The following ARPP21 variants were observed in gnomAD, a reference collection of about 807,000 sequenced individuals.
ARPP21 encodes the protein cAMP-regulated phosphoprotein 21.
Under a neutral mutation model 113.2 loss-of-function variants are expected in ARPP21, and 69 were observed. The observed-to-expected ratio is 0.61, with a 90% CI of 0.50 to 0.74. ARPP21 has a LOEUF of 0.74. ARPP21 is among the 30% of genes least tolerant of loss of function. The probability of loss-of-function intolerance (pLI) is 0.00; values close to 1 mark genes in which losing one functional copy is unlikely to be tolerated. For synonymous variants in ARPP21, 368 were observed against 375.5 expected (o/e 0.98, Z 0.23); for missense variants, 1,070 against 1,037.4 (o/e 1.03, Z -0.43).
At chr3:35,762,022 A>G (rs2095795955) in intron 19 of ARPP21, among the ~76,000 whole-genome samples, 1 of 151,884 alleles carries the variant, frequency 6.6e-6, no homozygotes, top group Non-Finnish European at 1.5e-5. Context: ...TAAATAACAA[A>G]GAATTTTTTC....
intron 19 of ARPP21, among the ~76,000 whole-genome samples, chr3:35,785,482 A>C (rs1385933131): frequency 6.6e-6 from 1 of 151,622 alleles, no homozygotes; most frequent in Non-Finnish European, 1.5e-5. Context: ...TAGTCATTTA[A>C]CAATGTGTCT....
intron 17 of ARPP21, among the ~76,000 whole-genome samples, chr3:35,738,860 T>G (rs1270279627): frequency 1.3e-5 from 2 of 152,216 alleles, no homozygotes; most frequent in African/African-American, 4.8e-5. Flanking sequence ...CCCAGCCTGT[T>G]GGTGATACTG....
chr3:35,681,739 T>C lies in ARPP21; in HGVS notation c.-13T>C. On this transcript the variant is annotated 5_prime_UTR_variant, in exon 3 of 21. Transcript: ENST00000684406. ...GGCATAAAATCTTGTTATTTTAATT[T>C]GCATCTGGGAGAATGTCTGAGCAAG... 6.2e-7 allele frequency: 1 copy of C among 1,605,578 alleles called. No individual in the cohort carries two copies. Among genetic ancestry groups the C allele is most frequent in the Non-Finnish European group, 8.5e-7 (1 of 1,174,796 alleles).
intron 1 of ARPP21, among the ~76,000 whole-genome samples, chr3:35,678,492 T>C (rs770389360): frequency 6.6e-6 from 1 of 151,978 alleles, no homozygotes; most frequent in Non-Finnish European, 1.5e-5. Context: ...CTAAAATTAC[T>C]ATTGATTAGC....
intron 1 of ARPP21, among the ~76,000 whole-genome samples, chr3:35,651,050 A>G (rs1044024291): frequency 2.0e-5 from 3 of 152,186 alleles, no homozygotes; most frequent in African/African-American, 7.2e-5. Flanking sequence ...ATGATAAAAT[A>G]TTATAAAATC....
chr3:35,692,187 T>C (rs548467166), intron 9 of ARPP21, among the ~76,000 whole-genome samples: 40 of 151,838 alleles, frequency 2.6e-4, no homozygotes, highest in Admixed American at 1.8e-3. Context: ...TAAGGGCCCT[T>C]GAAGTTTCAG....
intron 19 of ARPP21, among the ~76,000 whole-genome samples, chr3:35,772,011 C>G (rs542522391): frequency 6.6e-6 from 1 of 152,110 alleles, no homozygotes; most frequent in Non-Finnish European, 1.5e-5. Context: ...TTTTTTTTAA[C>G]AACTTAATAT....
chr3:35,768,253 G>A (rs531222473), intron 19 of ARPP21, among the ~76,000 whole-genome samples: 217 of 151,940 alleles, frequency 1.4e-3, no homozygotes, highest in African/African-American at 4.6e-3. Context: ...CTTTTCCCCA[G>A]ACCCTCACCT....
chr3:35,687,806 A>C lies in ARPP21; in HGVS notation c.329A>C (p.Asp110Ala). The C allele has an allele frequency of 8.1e-6, 13 of 1,605,604 alleles. No homozygotes were observed. Among genetic ancestry groups the C allele is most frequent in the Non-Finnish European group, 1.1e-5 (13 of 1,175,878 alleles). ...GAGGAGGATAAATCTAGGAAAGATG[A>C]CTCTGAAAGAGAAAAAGAAAAGGAT... ...LQEEDKSRKD[D>A]SEREKEKDKN... is the part of the protein sequence containing the mutation. Residue 110 changes from aspartate (D) to alanine (A), a missense_variant, in exon 6 of 21, where the codon GAC becomes GCC. By Grantham distance (126) the Asp-to-Ala change is moderately radical. Coordinates refer to ENST00000684406, the MANE Select transcript of ARPP21 (RefSeq NM_001385562.1).
At chr3:35,767,371 A>G (rs936795387) in intron 19 of ARPP21, among the ~76,000 whole-genome samples, 3 of 152,158 alleles carry the variant, frequency 2.0e-5, no homozygotes, top group Non-Finnish European at 4.4e-5. Flanking sequence ...TCTAACTTTT[A>G]TACTGTTTCT....
intron 6 of ARPP21, among the ~76,000 whole-genome samples, chr3:35,688,934 C>G (rs2081430872): frequency 6.7e-6 from 1 of 149,538 alleles, no homozygotes; most frequent in Non-Finnish European, 1.5e-5. Flanking sequence ...CATGGGATCT[C>G]AAACTCTTGA....
intron 18 of ARPP21, 117 bp downstream of exon 18, chr3:35,739,694 A>C: frequency 7.6e-7 from 1 of 1,323,558 alleles, no homozygotes; most frequent in Non-Finnish European, 1.0e-6. Context: ...AGTCTATATT[A>C]ATATTCCTCA....
chr3:35,787,033 A>G (rs141490489), intron 19 of ARPP21, among the ~76,000 whole-genome samples: 17 of 152,310 alleles, frequency 1.1e-4, no homozygotes, highest in Admixed American at 5.9e-4. Context: ...GATGTGCCCC[A>G]GTAATGAAGT....
At chr3:35,746,628 A>G (rs1048818001) in intron 19 of ARPP21, among the ~76,000 whole-genome samples, 1 of 152,324 alleles carries the variant, frequency 6.6e-6, no homozygotes, top group Admixed American at 6.5e-5. Context: ...TCTTCATCTG[A>G]TAATGACACC....
rs150459353 is a variant in ARPP21, at chr3:35,793,635, A to G, written c.2287-66A>G. On this transcript the variant is annotated intron_variant, in intron 20 of 20. Coordinates refer to ENST00000684406, the MANE Select transcript of ARPP21 (RefSeq NM_001385562.1). Reference sequence around the variant, plus strand: ...AAGTTTGAATATTTTTCATGACACCATGTTGTTTATTGTACAGACCAAAAT... The same window carrying G: ...AAGTTTGAATATTTTTCATGACACCGTGTTGTTTATTGTACAGACCAAAAT... 568 of 1,051,966 alleles carry G rather than the reference A, an allele frequency of 5.4e-4. 5 individuals carry two copies. In the African/African-American group the frequency reaches 7.7e-3, roughly 14 times the overall value. The allele number at this position is 1,051,966 out of a possible 1,614,324, so 65.2% of individuals were successfully genotyped here. A position where few individuals can be genotyped will look rare whatever the true frequency, so the allele number is the denominator to read the frequency against.
chr3:35,674,931 T>C (rs1388097267), intron 1 of ARPP21, among the ~76,000 whole-genome samples: 2 of 151,778 alleles, frequency 1.3e-5, no homozygotes, highest in African/African-American at 4.8e-5. Flanking sequence ...ATTGCACAGA[T>C]TAGGTAAACT....
chr3:35,666,193 A>G (rs542153321), intron 1 of ARPP21, among the ~76,000 whole-genome samples: 4 of 152,226 alleles, frequency 2.6e-5, no homozygotes, highest in South Asian at 2.1e-4. Flanking sequence ...CCTACCAAGC[A>G]GAAGGGAATT....
At chr3:35,764,365 C>T (rs781336544) in intron 19 of ARPP21, among the ~76,000 whole-genome samples, 13 of 152,154 alleles carry the variant, frequency 8.5e-5, no homozygotes, top group African/African-American at 2.7e-4. Flanking sequence ...CAAATGCTGA[C>T]AGCTTGCACT....
intron 1 of ARPP21, chr3:35,679,568 T>A (rs1044806442): frequency 6.6e-6 from 1 of 151,684 alleles, no homozygotes; most frequent in Admixed American, 6.6e-5. Context: ...AATTGTTAAT[T>A]TTAGCTCCTT....
Sources: allele counts gnomAD v4.1 joint callset (sites outside exome capture counted in the v4.1 genomes callset), GRCh38; gene constraint gnomAD v4.1.1; transcripts MANE v1.5; gene names NCBI Gene and HGNC (gene_info 2026-07-23, HGNC 2026-07-21).